PIWIL4: variants seen among roughly 807,000 people sequenced by gnomAD.
PIWIL4 encodes piwi-like protein 4.
In PIWIL4, 50 loss-of-function variants were observed where a neutral mutation model predicts 100.9. The ratio of observed to expected loss-of-function variants is 0.50; its 90% CI spans 0.39 to 0.63. The LOEUF is 0.63. Among genes scored for constraint, PIWIL4 ranks in the 20% least tolerant of loss-of-function variants. PIWIL4 has a pLI of 0.00. For synonymous variants in PIWIL4, 342 were observed against 367.5 expected, an observed-to-expected ratio of 0.93 and a Z score of 0.79; for missense variants, 887 against 1,043.3, an observed-to-expected ratio of 0.85 and a Z score of 2.06.
In PIWIL4 at chr11:94,611,430, A is replaced by G. The variant is rs147870092; in HGVS notation, c.1943+2744A>G. ...TCTTAAACTACTTTTGCTGCATCCC[A>G]TAAGTTTTAGTATGTTGTGTTTCTA... is the stretch of plus-strand genomic sequence containing the variant. On this transcript the variant is annotated intron_variant, in intron 15 of 19. Transcript: ENST00000299001. Among the ~76,000 whole-genome samples the G allele has an allele frequency of 2.3e-3, 351 of 152,114 alleles. 1 individual carries two copies. Among genetic ancestry groups the G allele is most frequent in the African/African-American group, 7.4e-3 (305 of 41,466 alleles).
Position 94,608,628 on chromosome 11 carries a change from C to G in PIWIL4, c.1885C>G (p.Leu629Val), listed in dbSNP as rs145352568. 1.9e-6 allele frequency: 3 copies of G among 1,614,032 alleles called. No individual in the cohort carries two copies. The highest frequency in any genetic ancestry group is 2.5e-6 in the Non-Finnish European group (3 of 1,180,014). The change falls in exon 15 of 20, where the codon CTC becomes GTC. Residue 629 changes from leucine to valine, a missense_variant. By Grantham distance (32) the Leu-to-Val change is conservative. Coordinates refer to ENST00000299001, the MANE Select transcript of PIWIL4 (RefSeq NM_152431.3). ...VVGIDVCKDALSKDVMVVGCV... is the reference protein window; with the variant it reads ...VVGIDVCKDAVSKDVMVVGCV... ...CGGTATTGATGTCTGTAAAGATGCA[C>G]TCAGCAAGGACGTGATGGTTGTTGG...
intron 16 of PIWIL4, among the ~76,000 whole-genome samples, chr11:94,617,247 A>G (rs1433367196): frequency 2.0e-5 from 3 of 152,250 alleles, no homozygotes; most frequent in African/African-American, 7.2e-5. Flanking sequence ...TGAATTTCCT[A>G]AACAATAAAC....
intron 15 of PIWIL4, among the ~76,000 whole-genome samples, chr11:94,611,550 T>A (rs2135298841): frequency 6.6e-6 from 1 of 150,996 alleles, no homozygotes; most frequent in South Asian, 2.1e-4. Context: ...TTTGTTCAAA[T>A]ATTGATATAG....
chr11:94,570,701 G>T (rs1462861496), intron 2 of PIWIL4, among the ~76,000 whole-genome samples: 1 of 152,066 alleles, frequency 6.6e-6, no homozygotes, highest in Non-Finnish European at 1.5e-5. Flanking sequence ...GACCAGCCTG[G>T]CTAACATGGT....
chr11:94,573,781 A>G (rs907291980), intron 2 of PIWIL4, among the ~76,000 whole-genome samples: 2 of 152,160 alleles, frequency 1.3e-5, no homozygotes, highest in Non-Finnish European at 2.9e-5. Flanking sequence ...TTACCATTTA[A>G]ATTACTTTTA....
intron 6 of PIWIL4, 98 bp from the exon 7 acceptor site, chr11:94,586,952 T>G (rs1396158091): frequency 1.7e-6 from 2 of 1,167,036 alleles, no homozygotes; most frequent in African/African-American, 3.1e-5. Context: ...CTTGTTAAGA[T>G]CTCGAGAATT....
At chr11:94,611,021 A>G (rs1948782715) in intron 15 of PIWIL4, among the ~76,000 whole-genome samples, 1 of 152,180 alleles carries the variant, frequency 6.6e-6, no homozygotes. Flanking sequence ...CCATTTATTG[A>G]AGAGACTTTC....
rs1309602421 is a variant in PIWIL4, at chr11:94,593,653, G to C, written c.1150+12G>C. ...CTGCTTTCTAACAGGTAATGTTTGT[G>C]TTTTATACCTCTGTCAGGCTCCTGG... On this transcript the variant is annotated intron_variant, in intron 9 of 19. Transcript: ENST00000299001. The C allele has an allele frequency of 6.2e-7, 1 of 1,612,968 alleles. No homozygotes were observed. The highest frequency in any genetic ancestry group is 1.7e-5 in the Admixed American group (1 of 59,946).
At chr11:94,611,832 T>C (rs1174885943) in intron 15 of PIWIL4, among the ~76,000 whole-genome samples, 1 of 152,266 alleles carries the variant, frequency 6.6e-6, no homozygotes, top group Non-Finnish European at 1.5e-5. Context: ...ATGCTGGCAC[T>C]ATGCTTTATG....
At chr11:94,601,301 C>T (rs1476254096) in intron 11 of PIWIL4, among the ~76,000 whole-genome samples, 1 of 152,114 alleles carries the variant, frequency 6.6e-6, no homozygotes, top group African/African-American at 2.4e-5. Flanking sequence ...TTCAGCCAGT[C>T]CCTCCGTTTG....
intron 13 of PIWIL4, among the ~76,000 whole-genome samples, chr11:94,604,339 A>G (rs1163438243): frequency 1.3e-5 from 2 of 152,188 alleles, no homozygotes; most frequent in East Asian, 3.9e-4. Flanking sequence ...AAGATTTAAG[A>G]TAAACTGACT....
chr11:94,583,900 C>A (rs911333984), intron 5 of PIWIL4, among the ~76,000 whole-genome samples: 1 of 152,176 alleles, frequency 6.6e-6, no homozygotes, highest in Non-Finnish European at 1.5e-5. Flanking sequence ...GTTCATTTAG[C>A]AAACTTAGTT....
intron 2 of PIWIL4, among the ~76,000 whole-genome samples, chr11:94,573,859 G>C (rs1948196437): frequency 6.6e-6 from 1 of 152,036 alleles, no homozygotes; most frequent in Non-Finnish European, 1.5e-5. Flanking sequence ...TCCAACTTTA[G>C]ATCTTTTTTC....
At chr11:94,575,276 G>A (rs1042130914) in intron 3 of PIWIL4, 146 bp downstream of exon 3, 29 of 763,046 alleles carry the variant, frequency 3.8e-5, no homozygotes, top group Admixed American at 1.4e-4. Flanking sequence ...ACTGTTAGAC[G>A]CTTTAATTTT....
chr11:94,571,846 T>C (rs1948159037), intron 2 of PIWIL4, among the ~76,000 whole-genome samples: 1 of 152,198 alleles, frequency 6.6e-6, no homozygotes, highest in African/African-American at 2.4e-5. Context: ...TTCTAGATCC[T>C]TGAGGAATTG....
chr11:94,594,397 C>T (rs992797471), intron 9 of PIWIL4, among the ~76,000 whole-genome samples: 40 of 149,356 alleles, frequency 2.7e-4, no homozygotes, highest in Non-Finnish European at 2.7e-4. Context: ...ACCCAAGAGG[C>T]GGAGGTTGCA....
chr11:94,571,785 T>C (rs1948158339), intron 2 of PIWIL4, among the ~76,000 whole-genome samples: 1 of 152,208 alleles, frequency 6.6e-6, no homozygotes, highest in African/African-American at 2.4e-5. Flanking sequence ...ACTTATAATC[T>C]TTTGGGTATA....
chr11:94,573,536 A>G (rs535387604), intron 2 of PIWIL4, among the ~76,000 whole-genome samples: 23 of 152,138 alleles, frequency 1.5e-4, no homozygotes, highest in Non-Finnish European at 2.9e-4. Flanking sequence ...TTCTGCATCT[A>G]TTGAGATAAT....
At chr11:94,607,741 T>G (rs1302676061) in intron 14 of PIWIL4, 102 bp downstream of exon 14, 2 of 1,256,036 alleles carry the variant, frequency 1.6e-6, no homozygotes, top group Non-Finnish European at 2.2e-6. Flanking sequence ...TTTGGTTTGC[T>G]TGTTTCTTGA....
Sources: allele counts gnomAD v4.1 joint callset (sites outside exome capture counted in the v4.1 genomes callset), GRCh38; gene constraint gnomAD v4.1.1; transcripts MANE v1.5; gene names NCBI Gene and HGNC (gene_info 2026-07-23, HGNC 2026-07-21).